DLG1: variants seen among roughly 807,000 people sequenced by gnomAD.
DLG1 encodes the protein disks large homolog 1.
Under a neutral mutation model 123.4 loss-of-function variants are expected in DLG1, and 42 were observed. That is an observed-to-expected ratio of 0.34 (90% CI 0.27 to 0.44). DLG1 has a LOEUF of 0.44. DLG1 is among the 20% of genes least tolerant of loss of function. The pLI is 1.00. For missense variants in DLG1, 942 were observed against 1,082.6 expected, an observed-to-expected ratio of 0.87 and a Z score of 1.82; for synonymous variants, 317 against 356.2, an observed-to-expected ratio of 0.89 and a Z score of 1.24.
At chr3:197,054,732 C>T (rs564379215) in intron 23 of DLG1, among the ~76,000 whole-genome samples, 1 of 151,436 alleles carries the variant, frequency 6.6e-6, no homozygotes, top group East Asian at 1.9e-4. Flanking sequence ...GCAGCCTTGA[C>T]CTCCCAGGCT....
chr3:197,102,929 G>A (rs773402972), intron 14 of DLG1, among the ~76,000 whole-genome samples: 36 of 152,274 alleles, frequency 2.4e-4, no homozygotes, highest in Non-Finnish European at 4.7e-4. Flanking sequence ...AAGTCGAGGG[G>A]TGCAGGAAAG....
At chr3:197,236,593 C>T (rs780728466) in intron 4 of DLG1, among the ~76,000 whole-genome samples, 5 of 152,184 alleles carry the variant, frequency 3.3e-5, no homozygotes, top group Admixed American at 2.0e-4. Context: ...TGGGACTCAA[C>T]GCCCAATCAC....
chr3:197,161,695 A>G (rs1321490916), intron 5 of DLG1: 1 of 1,579,658 alleles, frequency 6.3e-7, no homozygotes. Flanking sequence ...CAGGACAGGG[A>G]TCACAGGGAC....
At chr3:197,224,876 A>C (rs2150543494) in intron 4 of DLG1, among the ~76,000 whole-genome samples, 1 of 152,336 alleles carries the variant, frequency 6.6e-6, no homozygotes, top group South Asian at 2.1e-4. Flanking sequence ...TCAAAACAAT[A>C]CCTCAAAATA....
At chr3:197,126,244 AGTGG>A (rs1779024822) in intron 11 of DLG1, among the ~76,000 whole-genome samples, 1 of 152,108 alleles carries the variant, frequency 6.6e-6, no homozygotes, top group South Asian at 2.1e-4. Flanking sequence ...GGGAGGCCGA[AGTGG>A]GTGGATCATC....
intron 5 of DLG1, among the ~76,000 whole-genome samples, chr3:197,179,566 T>C (rs149310597): frequency 1.3e-5 from 2 of 152,208 alleles, no homozygotes; most frequent in Non-Finnish European, 2.9e-5. Context: ...ATAATCTATA[T>C]CTGAATTTGT....
intron 18 of DLG1, among the ~76,000 whole-genome samples, chr3:197,076,252 T>G (rs573704443): frequency 1.3e-5 from 2 of 152,364 alleles, no homozygotes; most frequent in Admixed American, 1.3e-4. Flanking sequence ...TAGCTTCTCA[T>G]GTATTCATGT....
chr3:197,207,109 G>C (rs1728935135), intron 4 of DLG1, among the ~76,000 whole-genome samples: 1 of 152,140 alleles, frequency 6.6e-6, no homozygotes, highest in South Asian at 2.1e-4. Context: ...GGAAGCAGAC[G>C]GCCCACAGAG....
chr3:197,047,558 C>A (rs1023917793), intron 24 of DLG1, among the ~76,000 whole-genome samples: 1 of 149,524 alleles, frequency 6.7e-6, no homozygotes, highest in Non-Finnish European at 1.5e-5. Flanking sequence ...AAGGACAAGG[C>A]GAGTAAAATA....
chr3:197,174,062 G>A (rs189417952), intron 5 of DLG1, among the ~76,000 whole-genome samples: 2 of 152,250 alleles, frequency 1.3e-5, no homozygotes, highest in East Asian at 1.9e-4. Flanking sequence ...CAGCCTGGGC[G>A]ACACAGTGAG....
intron 18 of DLG1, among the ~76,000 whole-genome samples, chr3:197,073,154 T>C (rs1024987653): frequency 6.6e-6 from 1 of 152,196 alleles, no homozygotes; most frequent in Admixed American, 6.5e-5. Flanking sequence ...TACTCTTACA[T>C]CTTATTCGTA....
intron 4 of DLG1, among the ~76,000 whole-genome samples, chr3:197,279,064 C>T (rs1767929051): frequency 6.6e-6 from 1 of 152,166 alleles, no homozygotes; most frequent in Non-Finnish European, 1.5e-5. Flanking sequence ...CAAGTGGATT[C>T]TCTAAGTCCC....
At chr3:197,059,131 T>G (rs992024129) in intron 23 of DLG1, among the ~76,000 whole-genome samples, 1 of 152,208 alleles carries the variant, frequency 6.6e-6, no homozygotes, top group Non-Finnish European at 1.5e-5. Context: ...TTCACCGTGT[T>G]GGCCAGGATG....
At chr3:197,208,530 G>A (rs1210475259) in intron 4 of DLG1, among the ~76,000 whole-genome samples, 1 of 146,468 alleles carries the variant, frequency 6.8e-6, no homozygotes, top group African/African-American at 2.4e-5. Flanking sequence ...CAATGAACTT[G>A]TCAAATAAAT....
chr3:197,075,723 T>A (rs985924067), intron 18 of DLG1: 1 of 799,416 alleles, frequency 1.3e-6, no homozygotes, highest in Non-Finnish European at 2.0e-6. Context: ...GCAATCTAAA[T>A]CATACACCTC....
At chr3:197,161,713 G>A (rs148027113) in intron 5 of DLG1, 2 of 1,575,342 alleles carry the variant, frequency 1.3e-6, no homozygotes, top group Non-Finnish European at 1.7e-6. Context: ...GACAGTGGGA[G>A]GAGAGGGAAG....
chr3:197,140,276 A>T lies in DLG1; in HGVS notation c.589-12T>A. 1 of 1,610,392 alleles carries T rather than the reference A, an allele frequency of 6.2e-7. No homozygotes were observed. On this transcript the variant is annotated splice_polypyrimidine_tract_variant and intron_variant, in intron 7 of 24. Transcript: ENST00000667157. ...AGCCCTGAATTTCCCTGAGGATAGA[A>T]GAAAAAAAATTGAGACTGAATATGA...
At chr3:197,213,107 T>G (rs1235641856) in intron 4 of DLG1, among the ~76,000 whole-genome samples, 1 of 152,186 alleles carries the variant, frequency 6.6e-6, no homozygotes, top group African/African-American at 2.4e-5. Context: ...CACAAAAACT[T>G]GTACATGAAG....
intron 13 of DLG1, among the ~76,000 whole-genome samples, chr3:197,115,123 G>A (rs761153547): frequency 2.0e-5 from 3 of 151,352 alleles, no homozygotes; most frequent in Non-Finnish European, 4.4e-5. Context: ...AAGATGGGAC[G>A]GTAAACAAAA....
Sources: gnomAD v4.1 joint callset for allele counts (sites outside exome capture counted in the v4.1 genomes callset) on GRCh38, gnomAD v4.1.1 for gene constraint, MANE v1.5 for transcripts, NCBI Gene and HGNC (gene_info 2026-07-23, HGNC 2026-07-21) for gene names.